BTBD7: variants seen among roughly 807,000 people sequenced by gnomAD.
BTBD7 encodes the protein BTB/POZ domain-containing protein 7.
BTBD7 carries 38 observed loss-of-function variants against 99.9 expected under a neutral mutation model. That is an observed-to-expected ratio of 0.38 (90% CI 0.29 to 0.50). The LOEUF (loss-of-function observed/expected upper bound fraction) is 0.50, where lower values mean the gene tolerates loss of function less well. Among genes scored for constraint, BTBD7 ranks in the 20% least tolerant of loss-of-function variants. BTBD7 has a pLI of 0.93. For synonymous variants in BTBD7, 520 were observed against 511.4 expected (o/e 1.02, Z -0.23); for missense variants, 1,170 against 1,394.6 (o/e 0.84, Z 2.57).
At chr14:93,317,494 A>G (rs1433133594) in intron 1 of BTBD7, among the ~76,000 whole-genome samples, 1 of 152,132 alleles carries the variant, frequency 6.6e-6, no homozygotes, top group Non-Finnish European at 1.5e-5. Context: ...AGAGGCACAC[A>G]CTACCACACC....
chr14:93,317,233 G>C (rs763336176), intron 1 of BTBD7, among the ~76,000 whole-genome samples: 1 of 152,148 alleles, frequency 6.6e-6, no homozygotes, highest in Non-Finnish European at 1.5e-5. Context: ...TCGAACTCCT[G>C]ACCTTAAGTG....
intron 1 of BTBD7, among the ~76,000 whole-genome samples, chr14:93,305,232 A>G (rs755456827): frequency 2.6e-5 from 4 of 152,336 alleles, no homozygotes; most frequent in Admixed American, 6.5e-5. Context: ...ATGGCTTAAT[A>G]CTGGCTAGTC....
At chr14:93,248,999 G>A (rs1282300476) in intron 8 of BTBD7, among the ~76,000 whole-genome samples, 1 of 152,014 alleles carries the variant, frequency 6.6e-6, no homozygotes, top group Non-Finnish European at 1.5e-5. Flanking sequence ...AATTTTTTGA[G>A]TCCTGACTAT....
rs1566829938 is a variant in BTBD7 at position 93,239,794 on chromosome 14, T to C, written c.*2479A>G. ...TAGGAATAGTGGCCACTTACTTTTA[T>C]ATTTCAGGGATATGAGAGAATAGTT... On this transcript the variant is annotated 3_prime_UTR_variant, in exon 11 of 11. Coordinates refer to ENST00000334746, the MANE Select transcript of BTBD7 (RefSeq NM_001002860.4). 1 of 152,550 alleles carries C rather than the reference T, an allele frequency of 6.6e-6. No homozygotes were observed. The highest frequency in any genetic ancestry group is 1.5e-5 in the Non-Finnish European group (1 of 68,042). The allele number at this position is 152,550 out of a possible 1,614,324, so 9.4% of individuals were successfully genotyped here.
intron 4 of BTBD7, among the ~76,000 whole-genome samples, chr14:93,263,039 G>T (rs7160926): frequency 0.012 from 1,884 of 152,218 alleles, 41 homozygotes; most frequent in African/African-American, 0.043. Flanking sequence ...GACTAAAATG[G>T]TAGCATTTTA....
chr14:93,291,491 T>C lies in BTBD7; in HGVS notation c.1162+2367A>G, dbSNP rs141344090. On this transcript the variant is annotated intron_variant, in intron 3 of 10. Transcript: ENST00000334746. ...AAGCGAGCTAATATTCTTCTTCCTA[T>C]GGAAATGAGATAAAAATTATGTTAA... Among the ~76,000 whole-genome samples, 19 of 152,244 alleles carry C rather than the reference T, an allele frequency of 1.2e-4. No individual in the cohort carries two copies. The East Asian group carries it at 3.7e-3, about 29-fold the overall frequency.
rs2053475649 is a variant in BTBD7 at position 93,332,983 on chromosome 14, T to G, written c.-270A>C. The stretch of plus-strand genomic sequence containing the variant: ...CTCCTCTCCTGTCAGTGGCTCAGGC[T>G]CCGGGACTGCTCCAGGTTCCCCTCG... On this transcript the variant is annotated 5_prime_UTR_variant, in exon 1 of 11. Coordinates refer to ENST00000334746, the MANE Select transcript of BTBD7 (RefSeq NM_001002860.4). The G allele has an allele frequency of 1.7e-6, 1 of 588,736 alleles. No individual in the cohort carries two copies. The highest frequency in any genetic ancestry group is 2.0e-5 in the African/African-American group (1 of 50,288). The allele number at this position is 588,736 out of a possible 1,614,324, so 36.5% of individuals were successfully genotyped here. A position where few individuals can be genotyped will look rare whatever the true frequency, so the allele number is the denominator to read the frequency against.
chr14:93,243,307 C>T (rs896013920), intron 10 of BTBD7, among the ~76,000 whole-genome samples: 1 of 151,954 alleles, frequency 6.6e-6, no homozygotes, highest in African/African-American at 2.4e-5. Context: ...GATTCTCCTG[C>T]CTCAGCCTCC....
intron 1 of BTBD7, among the ~76,000 whole-genome samples, chr14:93,308,563 A>T (rs938537302): frequency 6.6e-6 from 1 of 152,252 alleles, no homozygotes; most frequent in African/African-American, 2.4e-5. Context: ...CCACGTTCAT[A>T]GCAAAATTAT....
intron 8 of BTBD7, among the ~76,000 whole-genome samples, chr14:93,250,064 A>C (rs2052354014): frequency 6.6e-6 from 1 of 152,178 alleles, no homozygotes; most frequent in African/African-American, 2.4e-5. Context: ...TGTTCAGGAA[A>C]GAAAATATTA....
chr14:93,325,819 TTC>T (rs2053324446), intron 1 of BTBD7, among the ~76,000 whole-genome samples: 1 of 152,198 alleles, frequency 6.6e-6, no homozygotes, highest in Non-Finnish European at 1.5e-5. Flanking sequence ...TTAAAGAATG[TTC>T]TGTGTATTGG....
At chr14:93,295,254 G>A (rs943776299) in intron 2 of BTBD7, among the ~76,000 whole-genome samples, 1 of 152,044 alleles carries the variant, frequency 6.6e-6, no homozygotes, top group African/African-American at 2.4e-5. Flanking sequence ...GGGAGTATAG[G>A]CATGTGCCAC....
chr14:93,315,471 C>T (rs2053189669), intron 1 of BTBD7, among the ~76,000 whole-genome samples: 1 of 152,174 alleles, frequency 6.6e-6, no homozygotes, highest in South Asian at 2.1e-4. Flanking sequence ...GCTTAACTGA[C>T]ACTATATTAC....
chr14:93,301,306 C>T (rs2053002110), intron 1 of BTBD7, among the ~76,000 whole-genome samples: 1 of 151,986 alleles, frequency 6.6e-6, no homozygotes, highest in Non-Finnish European at 1.5e-5. Context: ...ATTCTCCTGC[C>T]TCAGCCTCCT....
At chr14:93,282,462 A>G (rs1320718455) in intron 3 of BTBD7, among the ~76,000 whole-genome samples, 1 of 151,632 alleles carries the variant, frequency 6.6e-6, no homozygotes, top group African/African-American at 2.4e-5. Context: ...ACTCCTGAGT[A>G]GCTGGGATTA....
chr14:93,250,941 C>T (rs2052362123), intron 8 of BTBD7, among the ~76,000 whole-genome samples: 1 of 152,104 alleles, frequency 6.6e-6, no homozygotes, highest in Admixed American at 6.6e-5. Flanking sequence ...GTGCATTTGA[C>T]CCTCCCAAAG....
chr14:93,327,166 T>C lies in BTBD7; in HGVS notation c.-107+5654A>G, dbSNP rs1426349812. On this transcript the variant is annotated intron_variant, in intron 1 of 10. Transcript: ENST00000334746. ...AAAGTGAGACTCTGTCTCAAGAAAA[T>C]TAAAAACTGGTAAAATAAAAATAAA... 2.0e-5 allele frequency among the ~76,000 whole-genome samples: 3 copies of C among 152,228 alleles called. No individual in the cohort carries two copies. In the East Asian group the frequency reaches 5.8e-4, roughly 29 times the overall value.
intron 1 of BTBD7, among the ~76,000 whole-genome samples, chr14:93,321,176 A>C (rs2053265025): frequency 5.3e-5 from 8 of 152,222 alleles, no homozygotes; most frequent in Admixed American, 5.2e-4. Flanking sequence ...AGAAGAATTT[A>C]ATCAAAACAC....
At chr14:93,279,078 C>A (rs2052689097) in intron 3 of BTBD7, among the ~76,000 whole-genome samples, 1 of 152,158 alleles carries the variant, frequency 6.6e-6, no homozygotes, top group Non-Finnish European at 1.5e-5. Flanking sequence ...ACTTTTAAGA[C>A]CCTCACTATT....
Sources: gnomAD v4.1 joint callset for allele counts (sites outside exome capture counted in the v4.1 genomes callset) on GRCh38, gnomAD v4.1.1 for gene constraint, MANE v1.5 for transcripts, NCBI Gene and HGNC (gene_info 2026-07-23, HGNC 2026-07-21) for gene names.